Variants in SLC44A5 observed in about 807,000 individuals in gnomAD.
SLC44A5 encodes the protein choline transporter-like protein 5.
A neutral mutation model predicts 101.8 loss-of-function variants in SLC44A5; 57 were observed. The ratio of observed to expected loss-of-function variants is 0.56; its 90% CI spans 0.45 to 0.70. The LOEUF (loss-of-function observed/expected upper bound fraction) is 0.70, where lower values mean the gene tolerates loss of function less well. SLC44A5 is among the 30% of genes least tolerant of loss of function. The pLI, the probability that SLC44A5 is intolerant of heterozygous loss-of-function variation, is 0.00. For synonymous variants in SLC44A5, 281 were observed against 290.9 expected (o/e 0.97, Z 0.35); for missense variants, 737 against 853.1 (o/e 0.86, Z 1.70).
At chr1:75,684,963 A>AGAGCTCTGCCCCTGCAGC in the SLC44A5 span, among the ~76,000 whole-genome samples, 8 of 152,346 alleles carry the variant, frequency 5.3e-5, no homozygotes, top group Admixed American at 3.3e-4. Flanking sequence ...CCCCTGCAGC[A>AGAGCTCTGCCCCTGCAGC]AACCTCTGCC....
At chr1:75,612,296 C>A (rs746827413), upstream of SLC44A5, among the ~76,000 whole-genome samples, 13 of 152,098 alleles carry the variant, frequency 8.5e-5, no homozygotes, top group Non-Finnish European at 1.8e-4. Context: ...CCAATGGCTT[C>A]TCATTGCACT....
chr1:75,424,729 A>C (rs1664205363), intron 2 of SLC44A5, among the ~76,000 whole-genome samples: 1 of 152,204 alleles, frequency 6.6e-6, no homozygotes, highest in Admixed American at 6.5e-5. Context: ...TGAAAGATGA[A>C]ATATCAAAAT....
rs376753420 is a variant in SLC44A5 at position 75,458,241 on chromosome 1, T to C, written c.14-61620A>G. On this transcript the variant is annotated intron_variant, in intron 2 of 23. Coordinates refer to ENST00000370859, the MANE Select transcript of SLC44A5 (RefSeq NM_001130058.2). ...GGCTTGGAGGTGATAAATGGCATGT[T>C]GTGTGAGATCTCACCCAAACATAAG... Among the ~76,000 whole-genome samples the C allele has an allele frequency of 2.6e-4, 40 of 152,286 alleles. No homozygotes were observed. The South Asian group carries it at 8.1e-3, about 31-fold the overall frequency.
chr1:75,527,492 T>C (rs1411840595), intron 2 of SLC44A5, among the ~76,000 whole-genome samples: 1 of 152,122 alleles, frequency 6.6e-6, no homozygotes, highest in East Asian at 1.9e-4. Context: ...AAACATAATA[T>C]TTTCTTAGAA....
At chr1:75,214,011 A>G (rs756445590) in intron 20 of SLC44A5, 22 bp from the exon 21 acceptor site, 2 of 1,448,274 alleles carry the variant, frequency 1.4e-6, no homozygotes, top group Non-Finnish European at 1.9e-6. Context: ...AAAAAAAGAA[A>G]GTATAATTCT....
chr1:75,388,251 AT>A (rs1480259594), intron 3 of SLC44A5, among the ~76,000 whole-genome samples: 2 of 150,582 alleles, frequency 1.3e-5, no homozygotes, highest in South Asian at 2.1e-4. Context: ...AAAAAACAGT[AT>A]TAAAAAAAAA....
chr1:75,405,111 T>C (rs930029051), intron 2 of SLC44A5, among the ~76,000 whole-genome samples: 9 of 152,194 alleles, frequency 5.9e-5, no homozygotes, highest in Admixed American at 5.9e-4. Flanking sequence ...GGGCATTACA[T>C]ACTGGTAAAG....
intron 3 of SLC44A5, among the ~76,000 whole-genome samples, chr1:75,391,380 G>C (rs1280493143): frequency 6.6e-6 from 1 of 152,008 alleles, no homozygotes; most frequent in Non-Finnish European, 1.5e-5. Context: ...AACCAAAAAA[G>C]AGCCCAAATA....
At chr1:75,413,553 G>A (rs1317084853) in intron 2 of SLC44A5, among the ~76,000 whole-genome samples, 1 of 152,164 alleles carries the variant, frequency 6.6e-6, no homozygotes, top group Non-Finnish European at 1.5e-5. Flanking sequence ...ATTTATGACT[G>A]TCTAGAATTT....
chr1:75,242,907 C>T lies in SLC44A5; in HGVS notation c.450G>A (p.Lys150=), dbSNP rs766643767. The stretch of plus-strand genomic sequence containing the variant: ...ATACCTTCACAGGCTTAGCAGTGGT[C>T]TTACAGAACTGACGGTAGTCTTCCC... ...SYWEDYRQFC[K]TTAKPVKSLT... The change falls in exon 8 of 24, where the codon AAG becomes AAA. Residue 150 remains lysine, a synonymous_variant. Coordinates refer to ENST00000370859, the MANE Select transcript of SLC44A5 (RefSeq NM_001130058.2). 9 of 1,610,988 alleles carry T rather than the reference C, an allele frequency of 5.6e-6. No individual in the cohort carries two copies. Among genetic ancestry groups the T allele is most frequent in the South Asian group, 1.1e-5 (1 of 90,458 alleles).
At chr1:75,351,282 C>G (rs530327708) in intron 3 of SLC44A5, among the ~76,000 whole-genome samples, 11 of 151,812 alleles carry the variant, frequency 7.2e-5, no homozygotes, top group African/African-American at 2.7e-4. Flanking sequence ...GTAATTTATC[C>G]AATATTTTGA....
At chr1:75,587,260 A>G (rs189051718) in intron 1 of SLC44A5, among the ~76,000 whole-genome samples, 2 of 152,320 alleles carry the variant, frequency 1.3e-5, no homozygotes, top group East Asian at 3.9e-4. Context: ...CCCTTCTCCC[A>G]TCACCCTCCT....
the SLC44A5 span, among the ~76,000 whole-genome samples, chr1:75,637,199 A>G: frequency 6.6e-6 from 1 of 152,176 alleles, no homozygotes; most frequent in African/African-American, 2.4e-5. Flanking sequence ...ACTCACACCA[A>G]TACTTGCACA....
chr1:75,302,360 G>A (rs886850319), intron 4 of SLC44A5, among the ~76,000 whole-genome samples: 1 of 152,042 alleles, frequency 6.6e-6, no homozygotes, highest in African/African-American at 2.4e-5. Context: ...CAAAGCCCTG[G>A]TGTGTAATCA....
chr1:75,606,941 C>G (rs211675), intron 1 of SLC44A5, among the ~76,000 whole-genome samples: 101,598 of 151,636 alleles, frequency 0.67, 34,378 homozygotes, highest in East Asian at 0.84. Flanking sequence ...CAGCCCTGGG[C>G]TCAGATCATT....
intron 5 of SLC44A5, among the ~76,000 whole-genome samples, chr1:75,278,240 ATTAAG>A (rs1024838742): frequency 6.6e-6 from 1 of 151,634 alleles, no homozygotes; most frequent in African/African-American, 2.4e-5. Flanking sequence ...AATAAAATAT[ATTAAG>A]TTATTATTAA....
chr1:75,312,197 T>C (rs1307705732), intron 4 of SLC44A5, among the ~76,000 whole-genome samples: 1 of 152,186 alleles, frequency 6.6e-6, no homozygotes, highest in Non-Finnish European at 1.5e-5. Context: ...TTACTCCTCC[T>C]TGCCTTCCAC....
chr1:75,638,617 A>G, the SLC44A5 span, among the ~76,000 whole-genome samples: 1 of 152,094 alleles, frequency 6.6e-6, no homozygotes, highest in East Asian at 1.9e-4. Flanking sequence ...TTCTCAAGCA[A>G]CCCATTAATA....
At chr1:75,393,022 A>G (rs1267851880) in intron 3 of SLC44A5, among the ~76,000 whole-genome samples, 2 of 152,274 alleles carry the variant, frequency 1.3e-5, no homozygotes, top group African/African-American at 4.8e-5. Context: ...GGATGGGGAC[A>G]AGGGTTGAAA....
Sources: gnomAD v4.1 joint callset for allele counts (sites outside exome capture counted in the v4.1 genomes callset) on GRCh38, gnomAD v4.1.1 for gene constraint, MANE v1.5 for transcripts, NCBI Gene and HGNC (gene_info 2026-07-23, HGNC 2026-07-21) for gene names.